ADPRHL1: variants seen among roughly 807,000 people sequenced by gnomAD.
The protein encoded by ADPRHL1 is ADP-ribosylhydrolase like 1, also known as inactive ADP-ribosyltransferase ARH2.
A neutral mutation model predicts 44.1 loss-of-function variants in ADPRHL1; 43 were observed. The ratio of observed to expected loss-of-function variants is 0.98; its 90% CI spans 0.76 to 1.26. ADPRHL1 has a LOEUF of 1.26. ADPRHL1 is among the 50% of genes most tolerant of loss of function. The pLI, the probability that ADPRHL1 is intolerant of heterozygous loss-of-function variation, is 0.00. For synonymous variants in ADPRHL1, 878 were observed against 1,017.4 expected (o/e 0.86, Z 2.61); for missense variants, 2,022 against 2,496.9 (o/e 0.81, Z 4.05).
intron 4 of ADPRHL1, among the ~76,000 whole-genome samples, chr13:113,428,279 A>T (rs1164329939): frequency 6.7e-6 from 1 of 150,044 alleles, no homozygotes; most frequent in Non-Finnish European, 1.5e-5. Context: ...CTTCAGCCTG[A>T]GGCTGTTTTG....
chr13:113,421,152 C>T (rs1231807194), intron 7 of ADPRHL1, among the ~76,000 whole-genome samples: 5 of 146,148 alleles, frequency 3.4e-5, no homozygotes, highest in African/African-American at 1.3e-4. Flanking sequence ...ACGCACATCC[C>T]CAGGACAGAC....
Position 113,404,411 on chromosome 13 carries a change from G to T in ADPRHL1, c.4871C>A (p.Ala1624Asp). ...GQAQWQTQIK[A>D]QKWAQEQTQK... The stretch of plus-strand genomic sequence containing the variant: ...GGTCTGTTCCTGAGCCCATTTCTGG[G>T]CCTTTATCTGGGTCTGCCACTGGGC... The change falls in exon 8 of 8, where the codon GCC becomes GAC. Residue 1624 changes from alanine to aspartate, a missense_variant. This residue lies in a region of ADPRHL1 where 78 missense variants were observed against 76.5 expected (regional missense o/e 1.02). Transcript: ENST00000612156. 7.6e-7 allele frequency: 1 copy of T among 1,323,804 alleles called. No individual in the cohort carries two copies. The highest frequency in any genetic ancestry group is 1.5e-5 in the African/African-American group (1 of 65,546). The allele number at this position is 1,323,804 out of a possible 1,614,324, so 82.0% of individuals were successfully genotyped here. A position where few individuals can be genotyped will look rare whatever the true frequency, so the allele number is the denominator to read the frequency against.
At chr13:113,417,314 T>TG (rs1566469506) in intron 7 of ADPRHL1, among the ~76,000 whole-genome samples, 3 of 151,996 alleles carry the variant, frequency 2.0e-5, no homozygotes, top group African/African-American at 7.2e-5. Flanking sequence ...AGAGCCAGAG[T>TG]GGGGGGTCCT....
chr13:113,434,323 A>G (rs1230238498), intron 2 of ADPRHL1, among the ~76,000 whole-genome samples: 1 of 151,802 alleles, frequency 6.6e-6, no homozygotes, highest in Non-Finnish European at 1.5e-5. Flanking sequence ...TAGAGTGAAC[A>G]TAGGTGTACC....
At chr13:113,422,290 A>G (rs1385792045) in intron 7 of ADPRHL1, 3 of 150,032 alleles carry the variant, frequency 2.0e-5, no homozygotes, top group African/African-American at 5.0e-5. Context: ...ATATGCTGCT[A>G]TATGTGTCCC....
At chr13:113,451,276 T>C (rs537892343) in intron 1 of ADPRHL1, among the ~76,000 whole-genome samples, 1 of 152,246 alleles carries the variant, frequency 6.6e-6, no homozygotes, top group Non-Finnish European at 1.5e-5. Context: ...TCATATATAA[T>C]CATATCTAAG....
rs534778279 is a variant in ADPRHL1, at chr13:113,450,290, A to G, written c.214+2934T>C. Among the ~76,000 whole-genome samples, 5 of 152,300 alleles carry G rather than the reference A, an allele frequency of 3.3e-5. No individual in the cohort carries two copies. In the South Asian group the frequency reaches 8.3e-4, roughly 25 times the overall value. On this transcript the variant is annotated intron_variant, in intron 1 of 7. Transcript: ENST00000612156. Reference sequence around the variant, plus strand: ...TTTGTTATTTAAAGAACAAAGATAAACTTAAGTGAAATTTCGACTTTGATT... The same window carrying G: ...TTTGTTATTTAAAGAACAAAGATAAGCTTAAGTGAAATTTCGACTTTGATT...
chr13:113,439,147 CACTCTG>C (rs1406307570), intron 2 of ADPRHL1, among the ~76,000 whole-genome samples: 2 of 151,922 alleles, frequency 1.3e-5, no homozygotes, highest in South Asian at 2.1e-4. Flanking sequence ...GACGGAGTCT[CACTCTG>C]ACTCTGTTGC....
rs553665485 is a variant in ADPRHL1, at chr13:113,422,443, C to CG, written c.1061+382dup. 222 of 188,972 alleles carry CG rather than the reference C, an allele frequency of 1.2e-3. 1 individual carries two copies. Among genetic ancestry groups the CG allele is most frequent in the Middle Eastern group, 2.3e-3 (1 of 442 alleles). 11.7% of individuals were successfully genotyped at this position (188,972 alleles called of 1,614,324 possible). Reference sequence around the variant, plus strand: ...CAGAGGCAGGACAGAGGGTCTGCAGCGGGGGGGCCTGCTGGAGGCCACCAC... The same window carrying CG: ...CAGAGGCAGGACAGAGGGTCTGCAGCGGGGGGGGCCTGCTGGAGGCCACCAC... On this transcript the variant is annotated intron_variant, in intron 7 of 7. Coordinates refer to ENST00000612156, the MANE Select transcript of ADPRHL1 (RefSeq NM_001394807.1).
intron 1 of ADPRHL1, among the ~76,000 whole-genome samples, chr13:113,445,660 C>T (rs1405645152): frequency 1.3e-5 from 2 of 152,164 alleles, no homozygotes; most frequent in African/African-American, 4.8e-5. Flanking sequence ...GGAGGCTTGG[C>T]CCACCCTCCA....
At chr13:113,427,738 G>C (rs1027945863) in intron 4 of ADPRHL1, among the ~76,000 whole-genome samples, 3 of 152,222 alleles carry the variant, frequency 2.0e-5, no homozygotes, top group African/African-American at 7.2e-5. Context: ...GGACGGCCCG[G>C]TCACGGGGAG....
chr13:113,410,645 G>T (rs571732692), intron 7 of ADPRHL1, among the ~76,000 whole-genome samples: 21 of 152,336 alleles, frequency 1.4e-4, no homozygotes, highest in Non-Finnish European at 2.9e-4. Context: ...TGTCCCTATG[G>T]CTGGTAAAGT....
chr13:113,422,520 G>A (rs1031949499), intron 7 of ADPRHL1: 1 of 344,962 alleles, frequency 2.9e-6, no homozygotes, highest in African/African-American at 2.1e-5. Flanking sequence ...CTCTGCGACA[G>A]AATAAAATAC....
chr13:113,404,150 C>A lies in ADPRHL1; in HGVS notation c.5132G>T (p.Arg1711Leu). The change falls in exon 8 of 8, where the codon CGG becomes CTG. Residue 1711 changes from arginine (R) to leucine (L), a missense_variant. This residue lies in a region of ADPRHL1 where 24 missense variants were observed against 80.7 expected (regional missense o/e 0.30). Transcript: ENST00000612156. ...CCCTTTCTGGGCCTGTTCCCGAGCC[C>A]GCTCCTGAGCCCCTTTCTGGGCCTG... ...REQAQKGAQERAREQAQKGAQ... is the reference protein window; with the variant it reads ...REQAQKGAQELAREQAQKGAQ... 1.2e-6 allele frequency: 1 copy of A among 807,614 alleles called. No homozygotes were observed. 50.0% of individuals were successfully genotyped at this position (807,614 alleles called of 1,614,324 possible). A position where few individuals can be genotyped will look rare whatever the true frequency, so the allele number is the denominator to read the frequency against.
At chr13:113,432,052 A>G (rs1446537624) in intron 3 of ADPRHL1, among the ~76,000 whole-genome samples, 1 of 152,094 alleles carries the variant, frequency 6.6e-6, no homozygotes, top group Admixed American at 6.6e-5. Flanking sequence ...TAGGAAATAT[A>G]TTAGCAAATG....
intron 2 of ADPRHL1, among the ~76,000 whole-genome samples, chr13:113,443,728 T>C (rs1433971538): frequency 2.0e-5 from 3 of 152,104 alleles, no homozygotes; most frequent in Non-Finnish European, 4.4e-5. Context: ...GTAGATCACC[T>C]GAGGTCAGGA....
chr13:113,434,464 G>A (rs1457731731), intron 2 of ADPRHL1, among the ~76,000 whole-genome samples: 1 of 148,772 alleles, frequency 6.7e-6, no homozygotes, highest in African/African-American at 2.6e-5. Flanking sequence ...TGTACCCTGT[G>A]ACCCAGCACC....
chr13:113,448,100 G>C (rs2044154601), intron 1 of ADPRHL1, among the ~76,000 whole-genome samples: 1 of 152,182 alleles, frequency 6.6e-6, no homozygotes, highest in South Asian at 2.1e-4. Context: ...TTTCAAAGCT[G>C]CTACCCTTGG....
Position 113,406,920 on chromosome 13 carries a change from C to T in ADPRHL1, c.2362G>A (p.Glu788Lys), listed in dbSNP as rs950008953. The T allele has an allele frequency of 6.5e-6, 8 of 1,232,108 alleles. No homozygotes were observed. In the African/African-American group the frequency reaches 1.2e-4, roughly 19 times the overall value. 76.3% of individuals were successfully genotyped at this position (1,232,108 alleles called of 1,614,324 possible). A position where few individuals can be genotyped will look rare whatever the true frequency, so the allele number is the denominator to read the frequency against. Residue 788 changes from glutamate (E) to lysine (K), a missense_variant, in exon 8 of 8, where the codon GAG (glutamate) becomes AAG (lysine). By Grantham distance (56) the Glu-to-Lys change is moderately conservative. Coordinates refer to ENST00000612156, the MANE Select transcript of ADPRHL1 (RefSeq NM_001394807.1). ...PEITMTVCSS[E>K]DEREGAGFPD... The stretch of plus-strand genomic sequence containing the variant: ...AAGCCTGCTCCTTCCCTTTCATCCT[C>T]TGAACTGCAAACAGTCATGGTGATT...
Sources: gnomAD v4.1 joint callset for allele counts (sites outside exome capture counted in the v4.1 genomes callset) on GRCh38, gnomAD v4.1.1 for gene constraint, gnomAD v4.1.1 regional missense constraint, MANE v1.5 for transcripts, NCBI Gene and HGNC (gene_info 2026-07-23, HGNC 2026-07-21) for gene names.